Variants in UBE2E2 observed in about 807,000 individuals in gnomAD.
UBE2E2 encodes the protein ubiquitin conjugating enzyme E2 E2.
In UBE2E2, 6 loss-of-function variants were observed where a neutral mutation model predicts 24.7. The ratio of observed to expected loss-of-function variants is 0.24; its 90% CI spans 0.13 to 0.48. The LOEUF is 0.48. Ranked by LOEUF, UBE2E2 falls within the 20% of genes least tolerant of loss-of-function variation. The pLI is 0.99. For missense variants in UBE2E2, 169 were observed against 245.0 expected, an observed-to-expected ratio of 0.69 and a Z score of 2.07; for synonymous variants, 104 against 83.6, an observed-to-expected ratio of 1.24 and a Z score of -1.33.
intron 3 of UBE2E2, among the ~76,000 whole-genome samples, chr3:23,381,165 C>A (rs1440444194): frequency 6.6e-6 from 1 of 152,046 alleles, no homozygotes; most frequent in African/African-American, 2.4e-5. Flanking sequence ...TTTTTATTTT[C>A]CCACAGTATA....
chr3:23,589,655 C>T lies in UBE2E2; in HGVS notation c.509-79C>T. 6.9e-7 allele frequency: 1 copy of T among 1,459,734 alleles called. No homozygotes were observed. The highest frequency in any genetic ancestry group is 9.5e-7 in the Non-Finnish European group (1 of 1,047,816). 90.4% of individuals were successfully genotyped at this position (1,459,734 alleles called of 1,614,324 possible). A position where few individuals can be genotyped will look rare whatever the true frequency, so the allele number is the denominator to read the frequency against. On this transcript the variant is annotated intron_variant, in intron 5 of 5. Transcript: ENST00000396703. The surrounding 1 kb of genome is among the most constrained non-coding windows in gnomAD (Gnocchi z 4.1). ...AGCAGCTTCTCATCTCCTACCCTCC[C>T]ACTCCTTGCCAGCTTTCTGAACACT...
At chr3:23,314,676 G>T (rs1018503790) in intron 3 of UBE2E2, among the ~76,000 whole-genome samples, 4 of 152,156 alleles carry the variant, frequency 2.6e-5, no homozygotes, top group African/African-American at 9.7e-5. Flanking sequence ...GTTTGGGAGA[G>T]TCTTTATTTC....
chr3:23,571,579 C>T (rs1696232670), intron 5 of UBE2E2, among the ~76,000 whole-genome samples: 1 of 152,006 alleles, frequency 6.6e-6, no homozygotes, highest in South Asian at 2.1e-4. Flanking sequence ...TGAGCCATCA[C>T]GCCCAGCCTG....
At chr3:23,224,620 T>G (rs1696766939) in intron 3 of UBE2E2, among the ~76,000 whole-genome samples, 1 of 152,124 alleles carries the variant, frequency 6.6e-6, no homozygotes, top group South Asian at 2.1e-4. Context: ...GACTTTTTCC[T>G]TTACAGTTTG....
chr3:23,208,779 T>G lies in UBE2E2; in HGVS notation c.80T>G (p.Val27Gly), dbSNP rs1696227868. ...TCCGATGGAGATCAACGTGAAAGTG[T>G]TCAGCAAGAACCAGAAAGAGAACAA... ...GSSDGDQRESVQQEPEREQVQ... is the reference protein window; with the variant it reads ...GSSDGDQRESGQQEPEREQVQ... The change falls in exon 2 of 6, where the codon GTT (valine) becomes GGT (glycine). Residue 27 changes from valine (V) to glycine (G), a missense_variant. By Grantham distance (109) the Val-to-Gly change is moderately radical. Coordinates refer to ENST00000396703, the MANE Select transcript of UBE2E2 (RefSeq NM_152653.4). 3.1e-6 allele frequency: 5 copies of G among 1,613,800 alleles called. No homozygotes were observed. In the East Asian group the frequency reaches 1.1e-4, roughly 36 times the overall value.
intron 3 of UBE2E2, among the ~76,000 whole-genome samples, chr3:23,373,073 A>G (rs1696435524): frequency 6.6e-6 from 1 of 152,172 alleles, no homozygotes; most frequent in Non-Finnish European, 1.5e-5. Context: ...ATAGGAAGTC[A>G]TGGGTAATTA....
At chr3:23,247,183 A>C (rs145105956) in intron 3 of UBE2E2, among the ~76,000 whole-genome samples, 148 of 152,238 alleles carry the variant, frequency 9.7e-4, no homozygotes, top group African/African-American at 3.3e-3. Context: ...ATAATAAAAA[A>C]AGTAAAAGAA....
At chr3:23,543,409 A>G (rs189289627) in intron 5 of UBE2E2, among the ~76,000 whole-genome samples, 38 of 152,284 alleles carry the variant, frequency 2.5e-4, no homozygotes, top group Admixed American at 1.1e-3. Context: ...ATTGCTGTAT[A>G]TCAGCAACAG....
intron 3 of UBE2E2, among the ~76,000 whole-genome samples, chr3:23,425,572 C>A (rs569213656): frequency 6.6e-6 from 1 of 152,236 alleles, no homozygotes; most frequent in South Asian, 2.1e-4. Flanking sequence ...ACTCCCACCA[C>A]CCCCAGATTG....
At chr3:23,215,944 T>C (rs1696464661) in intron 2 of UBE2E2, among the ~76,000 whole-genome samples, 1 of 152,174 alleles carries the variant, frequency 6.6e-6, no homozygotes, top group Non-Finnish European at 1.5e-5. Context: ...ATATGTACTT[T>C]GTATGCATAT....
intron 3 of UBE2E2, among the ~76,000 whole-genome samples, chr3:23,488,356 A>G (rs1699424381): frequency 6.6e-6 from 1 of 152,034 alleles, no homozygotes; most frequent in Non-Finnish European, 1.5e-5. Flanking sequence ...TTCCTCCGCT[A>G]AGCCCCCTAC....
chr3:23,298,994 A>C (rs964778334), intron 3 of UBE2E2, among the ~76,000 whole-genome samples: 1 of 152,320 alleles, frequency 6.6e-6, no homozygotes, highest in East Asian at 1.9e-4. Flanking sequence ...CAGAGATTCA[A>C]CTTCTTCCTG....
rs1696744216 is a variant in UBE2E2 at position 23,590,839 on chromosome 3, T to TTAAAATA, written c.*1010_*1016dup. On this transcript the variant is annotated 3_prime_UTR_variant, in exon 6 of 6. Transcript: ENST00000396703. ...CTGTTACAGCCTTCTTTATCAACAA[T>TTAAAATA]TAAAATATGTAACTCCAAAAATAGC... 1 of 152,212 alleles carries TTAAAATA rather than the reference T, an allele frequency of 6.6e-6. No homozygotes were observed. The highest frequency in any genetic ancestry group is 1.5e-5 in the Non-Finnish European group (1 of 68,036). The allele number at this position is 152,212 out of a possible 1,614,324, so 9.4% of individuals were successfully genotyped here. A position where few individuals can be genotyped will look rare whatever the true frequency, so the allele number is the denominator to read the frequency against.
At chr3:23,529,336 G>T (rs1297626136) in intron 4 of UBE2E2, among the ~76,000 whole-genome samples, 1 of 152,202 alleles carries the variant, frequency 6.6e-6, no homozygotes, top group East Asian at 1.9e-4. Context: ...ATTAATGTCA[G>T]TTTCCTGCAG....
intron 4 of UBE2E2, among the ~76,000 whole-genome samples, chr3:23,525,520 T>C (rs1254989045): frequency 6.6e-6 from 1 of 152,246 alleles, no homozygotes; most frequent in African/African-American, 2.4e-5. Context: ...CAAAAGGTGC[T>C]GTCCTCCCTG....
chr3:23,485,091 CTTTT>C (rs71620781), intron 3 of UBE2E2, among the ~76,000 whole-genome samples: 4 of 107,682 alleles, frequency 3.7e-5, no homozygotes, highest in Non-Finnish European at 5.3e-5. Flanking sequence ...TTAACACTAC[CTTTT>C]TTTTTTTTTT....
At chr3:23,573,172 A>G (rs1171454268) in intron 5 of UBE2E2, among the ~76,000 whole-genome samples, 2 of 152,218 alleles carry the variant, frequency 1.3e-5, no homozygotes, top group Non-Finnish European at 2.9e-5. Context: ...AAAGAATAAC[A>G]AGTACAGAAT....
At position 23,208,706 on chromosome 3, in the gene UBE2E2, A is replaced by G. The variant is rs1559439114; in HGVS notation, c.7A>G (p.Thr3Ala). 1 of 1,606,526 alleles carries G rather than the reference A, an allele frequency of 6.2e-7. No homozygotes were observed. Residue 3 changes from threonine (T) to alanine (A), a missense_variant, in exon 2 of 6, where the codon ACT becomes GCT. Physicochemically the swap from Thr to Ala is moderately conservative, Grantham distance 58. Transcript: ENST00000396703. The stretch of plus-strand genomic sequence containing the variant: ...CTTTAATCCAGGATCTAAAATGTCC[A>G]CTGAGGCACAAAGAGTTGATGACAG... MS[T>A]EAQRVDDSPS...
chr3:23,453,317 AAT>A (rs1271047584), intron 3 of UBE2E2, among the ~76,000 whole-genome samples: 7 of 152,276 alleles, frequency 4.6e-5, no homozygotes, highest in African/African-American at 1.4e-4. Flanking sequence ...CGTTGGAAAC[AAT>A]ATGTTTGGAG....
Sources: gnomAD v4.1 joint callset for allele counts (sites outside exome capture counted in the v4.1 genomes callset) on GRCh38, gnomAD v4.1.1 for gene constraint, Gnocchi (gnomAD v3.1) non-coding constraint, MANE v1.5 for transcripts, NCBI Gene and HGNC (gene_info 2026-07-23, HGNC 2026-07-21) for gene names.